The following ERC2 variants were observed in gnomAD, a reference collection of about 807,000 sequenced individuals.
The protein encoded by ERC2 is ELKS/RAB6-interacting/CAST family member 2, also known as ERC protein 2.
In ERC2, 42 loss-of-function variants were observed where a neutral mutation model predicts 114.8. The observed-to-expected ratio is 0.37, with a 90% CI of 0.29 to 0.47. The LOEUF (loss-of-function observed/expected upper bound fraction) is 0.47, where lower values mean the gene tolerates loss of function less well. Ranked by LOEUF, ERC2 falls within the 20% of genes least tolerant of loss-of-function variation. The probability of loss-of-function intolerance (pLI) is 0.99; values close to 1 mark genes in which losing one functional copy is unlikely to be tolerated. For missense variants in ERC2, 939 were observed against 1,150.7 expected, an observed-to-expected ratio of 0.82 and a Z score of 2.66; for synonymous variants, 454 against 425.5, an observed-to-expected ratio of 1.07 and a Z score of -0.82.
intron 3 of ERC2, among the ~76,000 whole-genome samples, chr3:56,262,905 C>T (rs890772328): frequency 5.3e-5 from 8 of 152,184 alleles, no homozygotes; most frequent in Non-Finnish European, 1.0e-4. Context: ...AAGATTGTCA[C>T]TTCTTCTTTG....
At chr3:55,945,308 G>A (rs936756359) in intron 13 of ERC2, among the ~76,000 whole-genome samples, 1 of 152,136 alleles carries the variant, frequency 6.6e-6, no homozygotes, top group Non-Finnish European at 1.5e-5. Flanking sequence ...TGCTGGTCAG[G>A]TTTCTTCTAA....
At chr3:55,524,893 TC>T (rs2053210076) in intron 17 of ERC2, among the ~76,000 whole-genome samples, 1 of 152,200 alleles carries the variant, frequency 6.6e-6, no homozygotes, top group Non-Finnish European at 1.5e-5. Context: ...GCTGAGTTTA[TC>T]CATATTTTTG....
At chr3:55,900,744 G>A (rs1343774256) in intron 13 of ERC2, among the ~76,000 whole-genome samples, 1 of 152,192 alleles carries the variant, frequency 6.6e-6, no homozygotes, top group African/African-American at 2.4e-5. Context: ...ACCTGGCACA[G>A]CCTCTTCTCA....
rs184511635 is a variant in ERC2 at position 56,261,388 on chromosome 3, A to G, written c.1074+34631T>C. Reference sequence around the variant, plus strand: ...TATCTACACTGTCTAGTGGACAGTCAATAAAGACTCACTAACCTTATTCTT... The same window carrying G: ...TATCTACACTGTCTAGTGGACAGTCGATAAAGACTCACTAACCTTATTCTT... On this transcript the variant is annotated intron_variant, in intron 3 of 17. Transcript: ENST00000288221. Among the ~76,000 whole-genome samples, 7 of 152,328 alleles carry G rather than the reference A, an allele frequency of 4.6e-5. No individual in the cohort carries two copies. The East Asian group carries it at 1.2e-3, about 25-fold the overall frequency.
Position 56,362,082 on chromosome 3 carries a change from A to C in ERC2, c.658-65647T>G, listed in dbSNP as rs75921776. 7.9e-5 allele frequency among the ~76,000 whole-genome samples: 12 copies of C among 152,316 alleles called. No homozygotes were observed. The East Asian group carries it at 2.1e-3, about 27-fold the overall frequency. ...AATCCTCTGTCTGAAGGATTCAGGA[A>C]ATTTCCCGGTAAGACAAGGTAGAGA... On this transcript the variant is annotated intron_variant, in intron 2 of 17. Coordinates refer to ENST00000288221, the MANE Select transcript of ERC2 (RefSeq NM_015576.3).
intron 3 of ERC2, among the ~76,000 whole-genome samples, chr3:56,181,964 G>C (rs564867183): frequency 1.3e-5 from 2 of 152,138 alleles, no homozygotes; most frequent in African/African-American, 4.8e-5. Context: ...CAGCCTGATT[G>C]CAACCTCATA....
At chr3:56,317,557 A>G (rs2056924236) in intron 2 of ERC2, among the ~76,000 whole-genome samples, 1 of 152,246 alleles carries the variant, frequency 6.6e-6, no homozygotes, top group South Asian at 2.1e-4. Flanking sequence ...TTTAATTTTA[A>G]TGATAATCTA....
intron 17 of ERC2, among the ~76,000 whole-genome samples, chr3:55,664,562 G>A (rs941738140): frequency 6.6e-6 from 1 of 152,216 alleles, no homozygotes; most frequent in Non-Finnish European, 1.5e-5. Flanking sequence ...TGGTGGGGAG[G>A]AGGGGCTGGG....
chr3:55,651,904 C>T (rs1026176226), intron 17 of ERC2, among the ~76,000 whole-genome samples: 5 of 152,206 alleles, frequency 3.3e-5, no homozygotes, highest in South Asian at 4.1e-4. Context: ...CCCAGCAGCT[C>T]GGAATGCTGT....
At chr3:55,735,869 C>A (rs114858541) in intron 14 of ERC2, among the ~76,000 whole-genome samples, 7 of 152,290 alleles carry the variant, frequency 4.6e-5, no homozygotes, top group Admixed American at 1.3e-4. Context: ...CCACCAAAAA[C>A]GATTACTTCC....
chr3:55,787,436 A>G (rs1263125741), intron 14 of ERC2, among the ~76,000 whole-genome samples: 1 of 152,070 alleles, frequency 6.6e-6, no homozygotes, highest in African/African-American at 2.4e-5. Context: ...AAAGAATGGT[A>G]TTTATTTATT....
At chr3:55,868,541 C>G (rs1053534865) in intron 14 of ERC2, among the ~76,000 whole-genome samples, 1 of 152,244 alleles carries the variant, frequency 6.6e-6, no homozygotes, top group Non-Finnish European at 1.5e-5. Context: ...TCCCTCCCGG[C>G]TGATTTGGTG....
At chr3:56,305,630 C>T (rs934784865) in intron 2 of ERC2, among the ~76,000 whole-genome samples, 1 of 151,872 alleles carries the variant, frequency 6.6e-6, no homozygotes, top group Non-Finnish European at 1.5e-5. Context: ...TCAATAAGAA[C>T]TCCTAACACA....
intron 10 of ERC2, 22 bp downstream of exon 10, chr3:56,007,159 C>T (rs1379715): frequency 0.32 from 486,291 of 1,527,406 alleles, 80,639 homozygotes; most frequent in East Asian, 0.5. Flanking sequence ...AAGCATGATT[C>T]TTTTTCTTAG....
intron 12 of ERC2, among the ~76,000 whole-genome samples, chr3:55,974,218 G>C (rs546839054): frequency 1.3e-5 from 2 of 152,292 alleles, no homozygotes; most frequent in African/African-American, 4.8e-5. Context: ...CCTACCCTCT[G>C]ACCTGACATA....
At chr3:55,903,946 C>T (rs2064284209) in intron 13 of ERC2, among the ~76,000 whole-genome samples, 1 of 152,226 alleles carries the variant, frequency 6.6e-6, no homozygotes, top group Non-Finnish European at 1.5e-5. Context: ...ACAGCAGGAA[C>T]AGAGGGCAGC....
intron 3 of ERC2, among the ~76,000 whole-genome samples, chr3:56,201,676 C>A (rs1186635062): frequency 6.6e-6 from 1 of 152,210 alleles, no homozygotes; most frequent in Non-Finnish European, 1.5e-5. Flanking sequence ...ACAGGCTACA[C>A]CCTCAGTAGA....
rs1241740530 is a variant in ERC2 at position 55,512,576 on chromosome 3, TAAG to T, written c.*40-1303_*40-1301del. Among the ~76,000 whole-genome samples the T allele has an allele frequency of 5.3e-5, 8 of 152,230 alleles. No individual in the cohort carries two copies. The South Asian group carries it at 1.7e-3, about 32-fold the overall frequency. On this transcript the variant is annotated intron_variant, in intron 17 of 17. Transcript: ENST00000288221. Reference sequence around the variant, plus strand: ...ATGATTAAAAGGTAAAGAGAAACCCTAAGTAGTATTAAAATGCACCAGTCTTTT... The same window carrying T: ...ATGATTAAAAGGTAAAGAGAAACCCTTAGTATTAAAATGCACCAGTCTTTT...
rs144776810 is a variant in ERC2, at chr3:56,090,758, G to A, written c.1474-9774C>T. ...CACCCAAATAGTGAACATTGTGCCC[G>A]ATAGGTGATTTTTCAATGCTCCCTG... On this transcript the variant is annotated intron_variant, in intron 6 of 17. Transcript: ENST00000288221. Among the ~76,000 whole-genome samples the A allele has an allele frequency of 3.1e-3, 458 of 150,156 alleles. 6 individuals are homozygous for A. Among genetic ancestry groups the A allele is most frequent in the African/African-American group, 0.011 (433 of 40,770 alleles).
Sources: allele counts gnomAD v4.1 joint callset (sites outside exome capture counted in the v4.1 genomes callset), GRCh38; gene constraint gnomAD v4.1.1; transcripts MANE v1.5; gene names NCBI Gene and HGNC (gene_info 2026-07-23, HGNC 2026-07-21).